Variants in SACM1L observed in about 807,000 individuals in gnomAD.
SACM1L encodes phosphatidylinositol-3-phosphatase SAC1.
In SACM1L, 32 loss-of-function variants were observed where a neutral mutation model predicts 89.5. That is an observed-to-expected ratio of 0.36 (90% CI 0.27 to 0.48). The LOEUF is 0.48. Among genes scored for constraint, SACM1L ranks in the 20% least tolerant of loss-of-function variants. SACM1L has a pLI of 0.99. For synonymous variants in SACM1L, 213 were observed against 232.8 expected, an observed-to-expected ratio of 0.92 and a Z score of 0.77; for missense variants, 543 against 708.5, an observed-to-expected ratio of 0.77 and a Z score of 2.65.
At chr3:45,719,471 T>A (rs1380450637) in intron 7 of SACM1L, 29 bp from the exon 8 acceptor site, 1 of 1,229,760 alleles carries the variant, frequency 8.1e-7, no homozygotes, top group Non-Finnish European at 1.2e-6. Context: ...ATTTCTATTA[T>A]ATGTTATATT....
Position 45,738,683 on chromosome 3 carries a change from T to C in SACM1L, c.1476+12T>C. The C allele has an allele frequency of 6.4e-7, 1 of 1,574,690 alleles. No homozygotes were observed. The highest frequency in any genetic ancestry group is 8.7e-7 in the Non-Finnish European group (1 of 1,144,318). On this transcript the variant is annotated intron_variant, in intron 17 of 19. Transcript: ENST00000389061. ...ATGGATTTAGACAAGTAAGTTTGTATTTGATGCTTTCCTGGCATTACGTGG... is the reference window on the plus strand; with the variant it reads ...ATGGATTTAGACAAGTAAGTTTGTACTTGATGCTTTCCTGGCATTACGTGG...
At chr3:45,723,819 C>G (rs1232785192) in intron 11 of SACM1L, among the ~76,000 whole-genome samples, 1 of 152,116 alleles carries the variant, frequency 6.6e-6, no homozygotes, top group Non-Finnish European at 1.5e-5. Flanking sequence ...TAAGTACCCT[C>G]ATGTAAGTGG....
chr3:45,702,957 C>T, intron 1 of SACM1L, among the ~76,000 whole-genome samples: 1 of 152,152 alleles, frequency 6.6e-6, no homozygotes, highest in South Asian at 2.1e-4. Context: ...GCTAATACCT[C>T]TTGCTTACTA....
Position 45,727,673 on chromosome 3 carries a change from C to T in SACM1L, c.922-3628C>T, listed in dbSNP as rs530275468. On this transcript the variant is annotated intron_variant, in intron 11 of 19. Transcript: ENST00000389061. ...TCACTCTGTCACCCAGGCTGGAGTGCAGTGGCATGCCTCCCTGGTTTGCAC... is the reference window on the plus strand; with the variant it reads ...TCACTCTGTCACCCAGGCTGGAGTGTAGTGGCATGCCTCCCTGGTTTGCAC... Among the ~76,000 whole-genome samples the T allele has an allele frequency of 5.1e-4, 78 of 152,216 alleles. 1 individual carries two copies. Among genetic ancestry groups the T allele is most frequent in the Non-Finnish European group, 9.4e-4 (64 of 68,000 alleles).
chr3:45,709,468 T>G, intron 4 of SACM1L, 30 bp from the exon 5 acceptor site: 1 of 1,554,306 alleles, frequency 6.4e-7, no homozygotes, highest in Non-Finnish European at 8.8e-7. Flanking sequence ...TTTTCAATTA[T>G]GAGCTATACT....
chr3:45,695,343 C>G (rs1310556048), intron 1 of SACM1L, among the ~76,000 whole-genome samples: 1 of 152,058 alleles, frequency 6.6e-6, no homozygotes, highest in African/African-American at 2.4e-5. Context: ...TCACCACAAC[C>G]ACCACCTCCC....
At position 45,714,043 on chromosome 3, in the gene SACM1L, C is replaced by T. The variant is rs1698584685; in HGVS notation, c.544-3C>T. On this transcript the variant is annotated splice_region_variant and splice_polypyrimidine_tract_variant and intron_variant, in intron 6 of 19. Coordinates refer to ENST00000389061, the MANE Select transcript of SACM1L (RefSeq NM_014016.5). Reference sequence around the variant, plus strand: ...TTATTCTAAATATATATCTTCATTTCAGGTTCATCGGTTTGCCCTTCCAGT... The same window carrying T: ...TTATTCTAAATATATATCTTCATTTTAGGTTCATCGGTTTGCCCTTCCAGT... 1.3e-6 allele frequency: 2 copies of T among 1,503,804 alleles called. No homozygotes were observed. The highest frequency in any genetic ancestry group is 1.8e-6 in the Non-Finnish European group (2 of 1,097,000). 93.2% of individuals were successfully genotyped at this position (1,503,804 alleles called of 1,614,324 possible).
At chr3:45,694,963 A>T (rs575541076) in intron 1 of SACM1L, among the ~76,000 whole-genome samples, 1 of 152,200 alleles carries the variant, frequency 6.6e-6, no homozygotes, top group East Asian at 1.9e-4. Context: ...GAGAAAGAGG[A>T]TAGCATTAGA....
At chr3:45,695,736 A>G (rs968117392) in intron 1 of SACM1L, among the ~76,000 whole-genome samples, 10 of 152,226 alleles carry the variant, frequency 6.6e-5, no homozygotes, top group Admixed American at 3.9e-4. Flanking sequence ...CAATAAGCAC[A>G]TTCATGTTGT....
At chr3:45,692,901 T>C (rs1200914583) in intron 1 of SACM1L, among the ~76,000 whole-genome samples, 1 of 152,220 alleles carries the variant, frequency 6.6e-6, no homozygotes, top group Non-Finnish European at 1.5e-5. Flanking sequence ...AATGAAATCA[T>C]TATGTACACC....
rs1361748182 is a variant in SACM1L, at chr3:45,719,558, G to C, written c.636G>C (p.Ser212=). 10 of 1,612,030 alleles carry C rather than the reference G, an allele frequency of 6.2e-6. No individual in the cohort carries two copies. The highest frequency in any genetic ancestry group is 1.3e-5 in the African/African-American group (1 of 74,864). ...NGKYFDWILI[S]RRSCFRAGVR... ...AATACTTTGATTGGATTCTCATCTC[G>C]AGGAGGAGCTGTTTCAGAGCTGGTG... The change falls in exon 8 of 20, where the codon TCG becomes TCC. Residue 212 remains serine (S), a synonymous_variant. Transcript: ENST00000389061.
At chr3:45,711,661 A>G (rs191638565) in intron 5 of SACM1L, among the ~76,000 whole-genome samples, 4 of 152,312 alleles carry the variant, frequency 2.6e-5, no homozygotes, top group Admixed American at 6.5e-5. Flanking sequence ...AAAGTGATAA[A>G]TGGAACATAT....
intron 1 of SACM1L, 112 bp downstream of exon 1, chr3:45,689,609 C>T: frequency 3.1e-6 from 4 of 1,277,978 alleles, no homozygotes; most frequent in Non-Finnish European, 4.4e-6. Flanking sequence ...GTGGGAGCTC[C>T]TCGCATTTAC....
chr3:45,737,445 C>A, intron 14 of SACM1L, 138 bp from the exon 15 acceptor site: 1 of 860,302 alleles, frequency 1.2e-6, no homozygotes, highest in Admixed American at 2.4e-5. Context: ...GCTGGGGCCC[C>A]CTATAGACAA....
chr3:45,712,848 G>C (rs568234443), intron 5 of SACM1L, among the ~76,000 whole-genome samples: 1 of 152,160 alleles, frequency 6.6e-6, no homozygotes, highest in Non-Finnish European at 1.5e-5. Flanking sequence ...AAGATAGTGG[G>C]AGTAGAAATG....
intron 11 of SACM1L, among the ~76,000 whole-genome samples, chr3:45,730,303 TGGG>T (rs1230723184): frequency 6.6e-6 from 1 of 151,928 alleles, no homozygotes; most frequent in Non-Finnish European, 1.5e-5. Flanking sequence ...TACGGTTTGC[TGGG>T]GTTTTTTTTG....
chr3:45,722,187 T>G, intron 9 of SACM1L, 102 bp downstream of exon 9: 1 of 719,034 alleles, frequency 1.4e-6, no homozygotes, highest in Non-Finnish European at 2.3e-6. Context: ...TTCTCTGTTC[T>G]TATGTAATAT....
chr3:45,734,407 C>T (rs1244144581), intron 13 of SACM1L, among the ~76,000 whole-genome samples: 10 of 146,666 alleles, frequency 6.8e-5, no homozygotes, highest in African/African-American at 2.0e-4. Context: ...AGGGAGATTC[C>T]ATCTCAAAAA....
rs148667571 is a variant in SACM1L, at chr3:45,733,279, G to A, written c.1100+1128G>A. Among the ~76,000 whole-genome samples the A allele has an allele frequency of 8.4e-4, 128 of 152,286 alleles. 1 individual carries two copies. Among genetic ancestry groups the A allele is most frequent in the African/African-American group, 3.0e-3 (123 of 41,552 alleles). ...TTTCTAAGGGTTTTGGGGGTAGTGG[G>A]AAGAATCTGGGCTTTGGGATCCAAC... On this transcript the variant is annotated intron_variant, in intron 13 of 19. Transcript: ENST00000389061.
Sources: gnomAD v4.1 joint callset for allele counts (sites outside exome capture counted in the v4.1 genomes callset) on GRCh38, gnomAD v4.1.1 for gene constraint, MANE v1.5 for transcripts, NCBI Gene and HGNC (gene_info 2026-07-23, HGNC 2026-07-21) for gene names.